The following CSMD1 variants were observed in gnomAD, a reference collection of about 807,000 sequenced individuals.
The protein encoded by CSMD1 is CUB and sushi domain-containing protein 1.
Under a neutral mutation model 417.5 loss-of-function variants are expected in CSMD1, and 213 were observed. The observed-to-expected ratio is 0.51, with a 90% confidence interval of 0.46 to 0.57. CSMD1 has a LOEUF of 0.57. Among genes scored for constraint, CSMD1 ranks in the 20% least tolerant of loss-of-function variants. CSMD1 has a pLI of 0.00. For missense variants in CSMD1, 6,923 were observed against 4,529.7 expected, an observed-to-expected ratio of 1.53 and a Z score of -15.17; for synonymous variants, 2,862 against 1,736.8, an observed-to-expected ratio of 1.65 and a Z score of -16.11.
At chr8:3,820,706 G>A (rs1016589308) in intron 5 of CSMD1, among the ~76,000 whole-genome samples, 1 of 152,166 alleles carries the variant, frequency 6.6e-6, no homozygotes, top group African/African-American at 2.4e-5. Flanking sequence ...CTCCTGAGTA[G>A]CTGGGACTAC....
chr8:3,308,557 T>A, intron 23 of CSMD1, 54 bp from the exon 24 acceptor site: 1 of 1,443,124 alleles, frequency 6.9e-7, no homozygotes, highest in Non-Finnish European at 9.6e-7. Context: ...ACATCTGCCT[T>A]AAAACAGAGA....
chr8:3,283,927 T>G (rs887007811), intron 26 of CSMD1, among the ~76,000 whole-genome samples: 1 of 152,248 alleles, frequency 6.6e-6, no homozygotes. Context: ...GGTTATGCAT[T>G]TCTCTTAAGC....
intron 6 of CSMD1, among the ~76,000 whole-genome samples, chr8:3,726,598 G>A (rs533729757): frequency 6.6e-6 from 1 of 152,186 alleles, no homozygotes; most frequent in Non-Finnish European, 1.5e-5. Flanking sequence ...ATATTCATGT[G>A]AAGTTCCCTG....
intron 1 of CSMD1, among the ~76,000 whole-genome samples, chr8:4,779,088 T>C (rs938886865): frequency 6.6e-6 from 1 of 152,212 alleles, no homozygotes; most frequent in African/African-American, 2.4e-5. Flanking sequence ...CGAGAGGCCG[T>C]ATCCTCATTT....
chr8:4,626,705 C>T (rs1802139992), intron 2 of CSMD1, among the ~76,000 whole-genome samples: 9 of 151,982 alleles, frequency 5.9e-5, no homozygotes, highest in Admixed American at 5.3e-4. Flanking sequence ...AGACGTCTCC[C>T]CATCCTGACC....
chr8:3,069,223 C>G (rs192633444), intron 49 of CSMD1, among the ~76,000 whole-genome samples: 17 of 152,120 alleles, frequency 1.1e-4, no homozygotes, highest in African/African-American at 4.1e-4. Flanking sequence ...ATCACGAGAT[C>G]AGGAGCTTGA....
At position 4,770,639 on chromosome 8, in the gene CSMD1, G is replaced by C. The variant is rs553298185; in HGVS notation, c.86-133081C>G. Among the ~76,000 whole-genome samples, 155 of 152,118 alleles carry C rather than the reference G, an allele frequency of 1.0e-3. 1 individual carries two copies. The highest frequency in any genetic ancestry group is 1.9e-3 in the Non-Finnish European group (128 of 67,984). On this transcript the variant is annotated intron_variant, in intron 1 of 69. Coordinates refer to ENST00000635120, the MANE Select transcript of CSMD1 (RefSeq NM_033225.6). ...GCACATGGACCAGCGGAAGAGAATA[G>C]AGAGCTGAAATAAATCCAAGCATAT...
intron 3 of CSMD1, among the ~76,000 whole-genome samples, chr8:4,311,862 T>G (rs940716879): frequency 6.6e-5 from 10 of 152,124 alleles, no homozygotes; most frequent in Non-Finnish European, 1.3e-4. Flanking sequence ...TGTTAGGTAC[T>G]GGGTATAATA....
In CSMD1 at chr8:3,336,934, T is replaced by TA. The variant is rs949200426; in HGVS notation, c.3631+6359dup. The stretch of plus-strand genomic sequence containing the variant: ...CACAGGTCTTGTAATAATGCTCCCC[T>TA]AAAAAAAGTCAGTTAGTTCTAGGAG... On this transcript the variant is annotated intron_variant, in intron 23 of 69. Transcript: ENST00000635120. Among the ~76,000 whole-genome samples the TA allele has an allele frequency of 1.6e-4, 25 of 152,178 alleles. No homozygotes were observed. The South Asian group carries it at 2.1e-3, about 13-fold the overall frequency.
intron 3 of CSMD1, among the ~76,000 whole-genome samples, chr8:4,080,505 AAAG>A (rs1389410189): frequency 6.6e-6 from 1 of 152,218 alleles, no homozygotes; most frequent in Admixed American, 6.5e-5. Context: ...CTTACTTGCA[AAAG>A]AAGATACTGA....
At position 3,557,097 on chromosome 8, in the gene CSMD1, A is replaced by T. The variant is rs577835900; in HGVS notation, c.1344+17848T>A. 2.6e-5 allele frequency among the ~76,000 whole-genome samples: 4 copies of T among 152,374 alleles called. No homozygotes were observed. In the South Asian group the frequency reaches 8.3e-4, roughly 32 times the overall value. ...GCAATGGAACACAATACAGGCGGCC[A>T]AATCCATTCCAAATATTACCCACGA... On this transcript the variant is annotated intron_variant, in intron 10 of 69. Coordinates refer to ENST00000635120, the MANE Select transcript of CSMD1 (RefSeq NM_033225.6).
intron 5 of CSMD1, among the ~76,000 whole-genome samples, chr8:3,984,704 CATAT>C (rs59669026): frequency 0.052 from 4,284 of 82,024 alleles, 237 homozygotes; most frequent in Admixed American, 0.084. Context: ...GTGTATATAT[CATAT>C]ATATATATAT....
At chr8:3,608,428 T>C (rs1453985769) in intron 8 of CSMD1, among the ~76,000 whole-genome samples, 1 of 152,052 alleles carries the variant, frequency 6.6e-6, no homozygotes, top group Non-Finnish European at 1.5e-5. Context: ...TTCAGCATCT[T>C]TGAAATGTTC....
chr8:4,071,645 A>T (rs1452149710), intron 3 of CSMD1, among the ~76,000 whole-genome samples: 5 of 152,104 alleles, frequency 3.3e-5, no homozygotes, highest in Admixed American at 6.5e-5. Context: ...ACTAGCTGAA[A>T]TATGTGGAGT....
At chr8:4,931,574 A>AAG (rs1563798463) in intron 1 of CSMD1, among the ~76,000 whole-genome samples, 1 of 151,474 alleles carries the variant, frequency 6.6e-6, no homozygotes, top group Non-Finnish European at 1.5e-5. Flanking sequence ...TGATTTCAAG[A>AAG]AAAAAGTCTG....
rs757743271 is a variant in CSMD1, at chr8:2,938,592, A to T, written c.10688T>A (p.Val3563Glu). ...CTGTTGGGGCACTGAGGGCTATACCACTGTACAGACTGTGTTCAGAGTTGT... is the reference window on the plus strand; with the variant it reads ...CTGTTGGGGCACTGAGGGCTATACCTCTGTACAGACTGTGTTCAGAGTTGT... Reference protein sequence around the residue: ...FDTTLNTVCTVV With the variant: ...FDTTLNTVCTEV The change falls in exon 70 of 70, where the codon GTG becomes GAG. Residue 3563 changes from valine (V) to glutamate (E), a missense_variant. Physicochemically the swap from Val to Glu is moderately radical, Grantham distance 121 (BLOSUM62 -2). Coordinates refer to ENST00000635120, the MANE Select transcript of CSMD1 (RefSeq NM_033225.6). 1.2e-5 allele frequency: 19 copies of T among 1,611,548 alleles called. No individual in the cohort carries two copies. Among genetic ancestry groups the T allele is most frequent in the Non-Finnish European group, 1.7e-6 (2 of 1,178,924 alleles).
At chr8:3,687,855 A>G (rs766810371) in intron 7 of CSMD1, among the ~76,000 whole-genome samples, 1 of 152,176 alleles carries the variant, frequency 6.6e-6, no homozygotes, top group Non-Finnish European at 1.5e-5. Context: ...CTTGGTCTCC[A>G]CTCAGTGAGG....
At chr8:3,283,761 A>C (rs1802922519) in intron 26 of CSMD1, among the ~76,000 whole-genome samples, 1 of 152,190 alleles carries the variant, frequency 6.6e-6, no homozygotes, top group Non-Finnish European at 1.5e-5. Flanking sequence ...AAGGAGACTT[A>C]AGTTCCTCCC....
chr8:4,037,278 G>T (rs1279201546), intron 3 of CSMD1, among the ~76,000 whole-genome samples: 2 of 152,054 alleles, frequency 1.3e-5, no homozygotes, highest in Non-Finnish European at 2.9e-5. Flanking sequence ...TTAACCTGTG[G>T]GAAAATTGGT....
Sources: gnomAD v4.1 joint callset for allele counts (sites outside exome capture counted in the v4.1 genomes callset) on GRCh38, gnomAD v4.1.1 for gene constraint, MANE v1.5 for transcripts, NCBI Gene and HGNC (gene_info 2026-07-23, HGNC 2026-07-21) for gene names.